IGF1R: variants seen among roughly 807,000 people sequenced by gnomAD.
The protein encoded by IGF1R is insulin like growth factor 1 receptor.
A neutral mutation model predicts 144.6 loss-of-function variants in IGF1R; 44 were observed. The ratio of observed to expected loss-of-function variants is 0.30; its 90% CI spans 0.24 to 0.39. The LOEUF is 0.39. Among genes scored for constraint, IGF1R ranks in the 10% least tolerant of loss-of-function variants. The pLI, the probability that IGF1R is intolerant of heterozygous loss-of-function variation, is 1.00. For synonymous variants in IGF1R, 795 were observed against 722.8 expected, an observed-to-expected ratio of 1.10 and a Z score of -1.60; for missense variants, 1,355 against 1,833.7, an observed-to-expected ratio of 0.74 and a Z score of 4.77.
intron 1 of IGF1R, among the ~76,000 whole-genome samples, chr15:98,690,402 A>G (rs942820525): frequency 1.3e-5 from 2 of 152,284 alleles, no homozygotes; most frequent in East Asian, 1.9e-4. Flanking sequence ...AGGAGTAAAC[A>G]TGCCAGGCCC....
At position 98,663,190 on chromosome 15, in the gene IGF1R, G is replaced by A. The variant is rs74395134; in HGVS notation, c.94+13515G>A. ...AGATGGGTCCTCGGTGTGAGGGGCT[G>A]GGTTGCCAGAGGAGCTGTGGGCTGG... On this transcript the variant is annotated intron_variant, in intron 1 of 20. Transcript: ENST00000650285. Among the ~76,000 whole-genome samples, 845 of 152,290 alleles carry A rather than the reference G, an allele frequency of 5.5e-3. 4 individuals are homozygous for A. The highest frequency in any genetic ancestry group is 9.8e-3 in the Non-Finnish European group (664 of 68,030).
chr15:98,725,201 AC>A (rs2054329254), intron 2 of IGF1R, among the ~76,000 whole-genome samples: 1 of 152,218 alleles, frequency 6.6e-6, no homozygotes, highest in Non-Finnish European at 1.5e-5. Flanking sequence ...AGTGGTGCCA[AC>A]CTAAAGGTAT....
At chr15:98,762,123 T>TA (rs1167116298) in intron 2 of IGF1R, among the ~76,000 whole-genome samples, 1 of 152,248 alleles carries the variant, frequency 6.6e-6, no homozygotes, top group African/African-American at 2.4e-5. Flanking sequence ...GTCTGAATGA[T>TA]ATGTAATCCT....
intron 2 of IGF1R, among the ~76,000 whole-genome samples, chr15:98,750,144 A>C (rs1046500184): frequency 6.6e-6 from 1 of 152,192 alleles, no homozygotes; most frequent in Admixed American, 6.5e-5. Context: ...CCATTCCCTC[A>C]GTATATAGAG....
At chr15:98,719,542 T>TAA (rs2054198846) in intron 2 of IGF1R, among the ~76,000 whole-genome samples, 1 of 152,204 alleles carries the variant, frequency 6.6e-6, no homozygotes. Flanking sequence ...TGGGTGTGCC[T>TAA]AGCAAAGCTG....
At position 98,780,574 on chromosome 15, in the gene IGF1R, AAGAG is replaced by A. The variant is rs75831201; in HGVS notation, c.640+72476_640+72479del. 1.9e-3 allele frequency among the ~76,000 whole-genome samples: 20 copies of A among 10,708 alleles called. 2 individuals are homozygous for A. The highest frequency in any genetic ancestry group is 3.0e-3 in the African/African-American group (20 of 6,766). 7.0% of individuals were successfully genotyped at this position (10,708 alleles called of 152,430 possible). A position where few individuals can be genotyped will look rare whatever the true frequency, so the allele number is the denominator to read the frequency against. On this transcript the variant is annotated intron_variant, in intron 2 of 20. Transcript: ENST00000650285. ...CAAAAAAAAAAAAAAAAAAAAAAAA[AAGAG>A]AGAGAGAGTAAATAAAATTGTAAGG...
chr15:98,678,156 A>G (rs1020351272), intron 1 of IGF1R, among the ~76,000 whole-genome samples: 2 of 152,188 alleles, frequency 1.3e-5, no homozygotes, highest in African/African-American at 4.8e-5. Flanking sequence ...TGTTACACCT[A>G]TTAATTGAGG....
At chr15:98,771,985 G>A (rs2055597732) in intron 2 of IGF1R, among the ~76,000 whole-genome samples, 1 of 151,908 alleles carries the variant, frequency 6.6e-6, no homozygotes, top group African/African-American at 2.4e-5. Flanking sequence ...TCCTCTAGCA[G>A]TATGTTTATA....
intron 2 of IGF1R, among the ~76,000 whole-genome samples, chr15:98,880,295 G>C (rs2013304677): frequency 6.6e-6 from 1 of 152,038 alleles, no homozygotes; most frequent in African/African-American, 2.4e-5. Flanking sequence ...TTACTAATTA[G>C]CTCTCAAAAC....
At chr15:98,709,620 G>T (rs188881602) in intron 2 of IGF1R, among the ~76,000 whole-genome samples, 1 of 152,198 alleles carries the variant, frequency 6.6e-6, no homozygotes, top group Non-Finnish European at 1.5e-5. Context: ...AAAGTAAAAG[G>T]TGTTATCAAG....
At chr15:98,757,459 G>A (rs1006763468) in intron 2 of IGF1R, among the ~76,000 whole-genome samples, 2 of 151,928 alleles carry the variant, frequency 1.3e-5, no homozygotes, top group Non-Finnish European at 2.9e-5. Flanking sequence ...CCACCACACC[G>A]GGCCCCTTTT....
chr15:98,671,522 T>TG (rs1378002021), intron 1 of IGF1R, among the ~76,000 whole-genome samples: 1 of 152,204 alleles, frequency 6.6e-6, no homozygotes, highest in Non-Finnish European at 1.5e-5. Context: ...AGCTGGAGAC[T>TG]GGGGGCTTCC....
intron 2 of IGF1R, among the ~76,000 whole-genome samples, chr15:98,783,957 AATTTTTT>A (rs2055920126): frequency 2.3e-5 from 3 of 129,072 alleles, no homozygotes; most frequent in Admixed American, 9.5e-5. Context: ...TGGCATCTGA[AATTTTTT>A]TTTTTTTTTT....
At position 98,770,890 on chromosome 15, in the gene IGF1R, G is replaced by A. The variant is rs147142806; in HGVS notation, c.640+62783G>A. ...TGTATGCATTTTTCTTGGTAGAAGG[G>A]TCCCCAAAAGTCACCACATTCTCAG... is the stretch of plus-strand genomic sequence containing the variant. On this transcript the variant is annotated intron_variant, in intron 2 of 20. Transcript: ENST00000650285. Among the ~76,000 whole-genome samples, 3 of 152,236 alleles carry A rather than the reference G, an allele frequency of 2.0e-5. No individual in the cohort carries two copies. The East Asian group carries it at 5.8e-4, about 29-fold the overall frequency.
intron 19 of IGF1R, among the ~76,000 whole-genome samples, chr15:98,946,108 T>C (rs534510343): frequency 1.1e-4 from 16 of 146,332 alleles, no homozygotes; most frequent in African/African-American, 4.1e-4. Flanking sequence ...TCTGACAGTT[T>C]GGGGTTGCAT....
chr15:98,650,919 A>G, intron 1 of IGF1R: 1 of 984,912 alleles, frequency 1.0e-6, no homozygotes, highest in Non-Finnish European at 1.2e-6. Context: ...GCGGGGAGCG[A>G]GAACTCCCCC....
chr15:98,664,447 C>G (rs1177230119), intron 1 of IGF1R, among the ~76,000 whole-genome samples: 1 of 152,056 alleles, frequency 6.6e-6, no homozygotes, highest in Non-Finnish European at 1.5e-5. Flanking sequence ...AGCGGATCAC[C>G]TGAAATCAGG....
intron 18 of IGF1R, among the ~76,000 whole-genome samples, chr15:98,939,656 T>C (rs1443942851): frequency 6.6e-6 from 1 of 152,212 alleles, no homozygotes; most frequent in Non-Finnish European, 1.5e-5. Context: ...GTTACAGAAA[T>C]AATTAAGACA....
chr15:98,854,137 G>A (rs1308559100), intron 2 of IGF1R, among the ~76,000 whole-genome samples: 1 of 152,208 alleles, frequency 6.6e-6, no homozygotes, highest in Admixed American at 6.5e-5. Context: ...AGCAGGTTAA[G>A]GAGAGTGTCA....
Sources: allele counts gnomAD v4.1 joint callset (sites outside exome capture counted in the v4.1 genomes callset), GRCh38; gene constraint gnomAD v4.1.1; transcripts MANE v1.5; gene names NCBI Gene and HGNC (gene_info 2026-07-23, HGNC 2026-07-21).